Variants in LAMA2 observed in about 807,000 individuals in gnomAD.
The protein encoded by LAMA2 is laminin subunit alpha 2.
LAMA2 carries 269 observed loss-of-function variants against 364.8 expected under a neutral mutation model. The observed-to-expected ratio is 0.74, with a 90% CI of 0.67 to 0.82. LAMA2 has a LOEUF of 0.82. Ranked by LOEUF, LAMA2 falls within the 40% of genes least tolerant of loss-of-function variation. LAMA2 has a pLI of 0.00. For missense variants in LAMA2, 3,807 were observed against 3,873.2 expected, an observed-to-expected ratio of 0.98 and a Z score of 0.45; for synonymous variants, 1,379 against 1,370.6, an observed-to-expected ratio of 1.01 and a Z score of -0.14.
chr6:128,950,090 C>G (rs958004763), intron 1 of LAMA2, among the ~76,000 whole-genome samples: 6 of 151,948 alleles, frequency 3.9e-5, no homozygotes, highest in Non-Finnish European at 8.8e-5. Flanking sequence ...ACAATATGCC[C>G]GGGACTGTAC....
intron 4 of LAMA2, among the ~76,000 whole-genome samples, chr6:129,128,862 C>T (rs1048753455): frequency 1.3e-5 from 2 of 152,092 alleles, no homozygotes; most frequent in Non-Finnish European, 2.9e-5. Flanking sequence ...AAAATCTTTT[C>T]CATGGTGAAT....
intron 1 of LAMA2, among the ~76,000 whole-genome samples, chr6:129,048,485 TTTCTTTCTTTCC>T (rs1173129072): frequency 0.054 from 4,557 of 84,444 alleles, 80 homozygotes; most frequent in Admixed American, 0.063. Context: ...TCTTTCTTTC[TTTCTTTCTTTCC>T]TTCCTTCCTT....
chr6:129,199,302 T>G lies in LAMA2; in HGVS notation c.1782+6449T>G, dbSNP rs1184517125. On this transcript the variant is annotated intron_variant, in intron 12 of 64. Transcript: ENST00000421865. ...AAAAGAAATGGGTAAAATTAAACATTCTTCATGTCTGAAAAATTTTGAAAA... is the reference window on the plus strand; with the variant it reads ...AAAAGAAATGGGTAAAATTAAACATGCTTCATGTCTGAAAAATTTTGAAAA... Among the ~76,000 whole-genome samples, 3 of 152,200 alleles carry G rather than the reference T, an allele frequency of 2.0e-5. No homozygotes were observed. The East Asian group carries it at 5.8e-4, about 29-fold the overall frequency.
intron 1 of LAMA2, among the ~76,000 whole-genome samples, chr6:129,046,980 G>C (rs911825610): frequency 6.6e-6 from 1 of 152,100 alleles, no homozygotes; most frequent in African/African-American, 2.4e-5. Flanking sequence ...AGGAATAGTT[G>C]TACCGTTAAA....
intron 43 of LAMA2, chr6:129,442,240 G>A: frequency 1.5e-6 from 2 of 1,309,942 alleles, no homozygotes; most frequent in South Asian, 1.2e-5. Flanking sequence ...TCCTATGGAT[G>A]CTATGATATA....
intron 49 of LAMA2, among the ~76,000 whole-genome samples, chr6:129,462,428 A>G (rs900694650): frequency 6.6e-6 from 1 of 151,910 alleles, no homozygotes; most frequent in Admixed American, 6.6e-5. Context: ...TTCGTGGCCC[A>G]CGTCTTTTCC....
intron 12 of LAMA2, among the ~76,000 whole-genome samples, chr6:129,228,645 A>G (rs184178443): frequency 2.2e-4 from 33 of 152,358 alleles, no homozygotes; most frequent in Admixed American, 7.2e-4. Context: ...GAGAGAGCAT[A>G]TATACCCTGA....
chr6:129,471,687 A>T (rs925545203), intron 51 of LAMA2, among the ~76,000 whole-genome samples: 1 of 152,000 alleles, frequency 6.6e-6, no homozygotes, highest in East Asian at 1.9e-4. Flanking sequence ...TCAAGGAGAT[A>T]TATGTGTATG....
intron 51 of LAMA2, among the ~76,000 whole-genome samples, chr6:129,469,109 G>A (rs72981138): frequency 0.01 from 1,532 of 152,006 alleles, 13 homozygotes; most frequent in Non-Finnish European, 0.015. Context: ...AGAAGATAAC[G>A]CTGGGCATGT....
At chr6:128,967,185 C>T (rs1360152414) in intron 1 of LAMA2, among the ~76,000 whole-genome samples, 4 of 152,140 alleles carry the variant, frequency 2.6e-5, no homozygotes, top group Non-Finnish European at 5.9e-5. Flanking sequence ...ATGATTATTA[C>T]CTGTGCCCAG....
chr6:129,360,946 C>T lies in LAMA2; in HGVS notation c.4718-5273C>T, dbSNP rs185019319. ...GTACTTTCCTTGGAAATTTCTGGAA[C>T]CATCTAGTAAGGAGTATCTAGCCAT... On this transcript the variant is annotated intron_variant, in intron 32 of 64. Coordinates refer to ENST00000421865, the MANE Select transcript of LAMA2 (RefSeq NM_000426.4). Among the ~76,000 whole-genome samples the T allele has an allele frequency of 5.3e-5, 8 of 152,182 alleles. No homozygotes were observed. The East Asian group carries it at 1.4e-3, about 26-fold the overall frequency.
In LAMA2 at chr6:129,505,308, T is replaced by A. The variant is rs1281635862; in HGVS notation, c.8656T>A (p.Tyr2886Asn). 1 of 1,613,910 alleles carries A rather than the reference T, an allele frequency of 6.2e-7. No individual in the cohort carries two copies. The highest frequency in any genetic ancestry group is 8.5e-7 in the Non-Finnish European group (1 of 1,179,878). The change falls in exon 61 of 65, where the codon TAT (tyrosine) becomes AAT (asparagine). Residue 2886 changes from tyrosine (Y) to asparagine (N), a missense_variant. Coordinates refer to ENST00000421865, the MANE Select transcript of LAMA2 (RefSeq NM_000426.4). ...ADILDVVGMLYVGGLPINYTT... is the reference protein window; with the variant it reads ...ADILDVVGMLNVGGLPINYTT... ...CATCCTGGATGTCGTGGGAATGCTG[T>A]ATGTTGGTGGGTTACCCATCAACTA...
At chr6:129,047,824 A>G (rs1244802492) in intron 1 of LAMA2, among the ~76,000 whole-genome samples, 3 of 152,174 alleles carry the variant, frequency 2.0e-5, no homozygotes, top group Admixed American at 1.3e-4. Flanking sequence ...AATCTTCCTA[A>G]TTTACTTTCT....
chr6:129,427,258 G>A (rs1442257688), intron 40 of LAMA2, among the ~76,000 whole-genome samples: 2 of 152,122 alleles, frequency 1.3e-5, no homozygotes, highest in Non-Finnish European at 2.9e-5. Flanking sequence ...CAGCACTTGG[G>A]AGATACAGGA....
At chr6:129,118,425 A>G (rs867616989) in intron 4 of LAMA2, among the ~76,000 whole-genome samples, 19 of 152,202 alleles carry the variant, frequency 1.2e-4, no homozygotes, top group African/African-American at 4.6e-4. Flanking sequence ...TTCTTCCTCT[A>G]TCCACTCACT....
intron 1 of LAMA2, among the ~76,000 whole-genome samples, chr6:128,901,154 C>A (rs979224883): frequency 6.6e-6 from 1 of 152,124 alleles, no homozygotes; most frequent in Admixed American, 6.5e-5. Flanking sequence ...AAGACCTTAT[C>A]TAGGAACAAT....
At chr6:129,066,112 C>T (rs984167043) in intron 3 of LAMA2, among the ~76,000 whole-genome samples, 2 of 126,714 alleles carry the variant, frequency 1.6e-5, no homozygotes, top group Admixed American at 8.9e-5. Context: ...GTGGCGGGAT[C>T]TCGGCTCACT....
intron 58 of LAMA2, among the ~76,000 whole-genome samples, chr6:129,498,614 A>G (rs1785379010): frequency 6.6e-6 from 1 of 152,204 alleles, no homozygotes; most frequent in East Asian, 1.9e-4. Context: ...ATTCATCCAT[A>G]AAGAAAATCA....
intron 46 of LAMA2, 68 bp from the exon 47 acceptor site, chr6:129,454,083 ACACT>A: frequency 7.6e-7 from 1 of 1,323,978 alleles, no homozygotes; most frequent in African/African-American, 1.5e-5. Flanking sequence ...TTATTGAAAA[ACACT>A]CTGCTGGTCT....
Sources: allele counts gnomAD v4.1 joint callset (sites outside exome capture counted in the v4.1 genomes callset), GRCh38; gene constraint gnomAD v4.1.1; transcripts MANE v1.5; gene names NCBI Gene and HGNC (gene_info 2026-07-23, HGNC 2026-07-21).